The following KBTBD3 variants were observed in gnomAD, a reference collection of about 807,000 sequenced individuals.
KBTBD3 encodes the protein kelch repeat and BTB domain-containing protein 3.
Under a neutral mutation model 49.6 loss-of-function variants are expected in KBTBD3, and 38 were observed. The ratio of observed to expected loss-of-function variants is 0.77; its 90% CI spans 0.59 to 1.00. KBTBD3 has a LOEUF of 1.00. KBTBD3 is among the 50% of genes least tolerant of loss of function. The pLI is 0.00. For missense variants in KBTBD3, 661 were observed against 712.0 expected (o/e 0.93, Z 0.81); for synonymous variants, 214 against 250.4 (o/e 0.85, Z 1.37).
At position 106,058,905 on chromosome 11, in the gene KBTBD3, A is replaced by T; in HGVS notation, c.193T>A (p.Cys65Ser). 1 of 1,579,260 alleles carries T rather than the reference A, an allele frequency of 6.3e-7. No individual in the cohort carries two copies. The change falls in exon 3 of 4, where the codon TGT (cysteine) becomes AGT (serine). Residue 65 changes from cysteine (C) to serine (S), a missense_variant. Physicochemically the swap from Cys to Ser is moderately radical, Grantham distance 112. Coordinates refer to ENST00000531837, the MANE Select transcript of KBTBD3 (RefSeq NM_198439.3). The part of the protein sequence containing the change: ...KIIMKDEIIP[C>S]HRCVLAACSD... ...CATGCTGCTAACACACAACGATGAC[A>T]CGGGATTATTTCATCTTTCATAATT...
rs372515561 is a variant in KBTBD3 at position 106,054,042 on chromosome 11, A to T, written c.647T>A (p.Leu216Gln). The T allele has an allele frequency of 9.3e-6, 15 of 1,613,692 alleles. No homozygotes were observed. The highest frequency in any genetic ancestry group is 1.3e-5 in the African/African-American group (1 of 75,042). The change falls in exon 4 of 4, where the codon CTG becomes CAG. Residue 216 changes from leucine to glutamine, a missense_variant. Transcript: ENST00000531837. The stretch of plus-strand genomic sequence containing the variant: ...TTTAGTCCAACTAAGGACAACTTTC[A>T]GTACCATTTCTTCTTCAGGAACATT... Reference protein sequence around the residue: ...ELNVPEEEMVLKVVLSWTKHN... With the variant: ...ELNVPEEEMVQKVVLSWTKHN...
chr11:106,070,322 G>A (rs1860893935), intron 2 of KBTBD3, among the ~76,000 whole-genome samples: 2 of 151,486 alleles, frequency 1.3e-5, no homozygotes, highest in South Asian at 2.1e-4. Context: ...GACAAGCTAT[G>A]AGCCAGGAAA....
At position 106,054,568 on chromosome 11, in the gene KBTBD3, A is replaced by T. The variant is rs906636451; in HGVS notation, c.234-113T>A. On this transcript the variant is annotated intron_variant, in intron 3 of 3. Coordinates refer to ENST00000531837, the MANE Select transcript of KBTBD3 (RefSeq NM_198439.3). The stretch of plus-strand genomic sequence containing the variant: ...TTGACTTAAATATATTTATAAAAGC[A>T]TATTTTAATTGCCTCCTAATTAATA... The T allele has an allele frequency of 6.5e-6, 4 of 618,244 alleles. No individual in the cohort carries two copies. In the African/African-American group the frequency reaches 7.7e-5, roughly 12 times the overall value. The allele number at this position is 618,244 out of a possible 1,614,324, so 38.3% of individuals were successfully genotyped here.
chr11:106,069,138 A>AG (rs1860869121), intron 2 of KBTBD3, among the ~76,000 whole-genome samples: 1 of 152,158 alleles, frequency 6.6e-6, no homozygotes, highest in South Asian at 2.1e-4. Flanking sequence ...CCCTAAGATG[A>AG]GGAAAACAGC....
intron 2 of KBTBD3, among the ~76,000 whole-genome samples, chr11:106,072,190 A>T (rs1466148994): frequency 6.6e-6 from 1 of 152,228 alleles, no homozygotes; most frequent in African/African-American, 2.4e-5. Flanking sequence ...AAGAAATGAT[A>T]TATCACTAAT....
chr11:106,062,647 C>T (rs1565403844), intron 2 of KBTBD3, among the ~76,000 whole-genome samples: 1 of 152,192 alleles, frequency 6.6e-6, no homozygotes, highest in East Asian at 1.9e-4. Context: ...GGATAAGGCC[C>T]ACCACACAGG....
chr11:106,064,675 G>A (rs1860771438), intron 2 of KBTBD3, among the ~76,000 whole-genome samples: 1 of 152,194 alleles, frequency 6.6e-6, no homozygotes. Context: ...TGTTAAAGCT[G>A]TGCAAAGGAT....
intron 2 of KBTBD3, among the ~76,000 whole-genome samples, chr11:106,064,640 A>G (rs750055616): frequency 5.9e-5 from 9 of 152,344 alleles, no homozygotes; most frequent in Non-Finnish European, 8.8e-5. Context: ...GATTGAAAAC[A>G]GTCTATACTA....
At chr11:106,054,498 T>A (rs565370831) in intron 3 of KBTBD3, 43 bp from the exon 4 acceptor site, 1 of 1,406,778 alleles carries the variant, frequency 7.1e-7, no homozygotes, top group Non-Finnish European at 9.4e-7. Flanking sequence ...GAATATTTTA[T>A]TCCATAATTA....
chr11:106,053,366 G>A lies in KBTBD3; in HGVS notation c.1323C>T (p.Pro441=). 1 of 1,613,168 alleles carries A rather than the reference G, an allele frequency of 6.2e-7. No individual in the cohort carries two copies. The highest frequency in any genetic ancestry group is 1.3e-5 in the African/African-American group (1 of 74,996). Residue 441 remains proline, a synonymous_variant, in exon 4 of 4, where the codon CCC becomes CCT. Coordinates refer to ENST00000531837, the MANE Select transcript of KBTBD3 (RefSeq NM_198439.3). ...TTGCTTCTGGATAGTATATGCCTCT[G>A]GGTAATGGGCTAACAGATATCCATT... ...SKEWISVSPL[P]RGIYYPEAST...
chr11:106,067,617 A>T (rs527331835), intron 2 of KBTBD3, among the ~76,000 whole-genome samples: 106 of 152,084 alleles, frequency 7.0e-4, no homozygotes, highest in African/African-American at 2.3e-3. Context: ...GTCAAAAAAA[A>T]AAAAGGTCTA....
At position 106,053,395 on chromosome 11, in the gene KBTBD3, T is replaced by C; in HGVS notation, c.1294A>G (p.Lys432Glu). 1 of 1,613,446 alleles carries C rather than the reference T, an allele frequency of 6.2e-7. No homozygotes were observed. The highest frequency in any genetic ancestry group is 8.5e-7 in the Non-Finnish European group (1 of 1,179,786). The change falls in exon 4 of 4, where the codon AAA (lysine) becomes GAA (glutamate). Residue 432 changes from lysine to glutamate, a missense_variant. Coordinates refer to ENST00000531837, the MANE Select transcript of KBTBD3 (RefSeq NM_198439.3). ...LDVESYNPLSKEWISVSPLPR... is the reference protein window; with the variant it reads ...LDVESYNPLSEEWISVSPLPR... ...AATGGGCTAACAGATATCCATTCTT[T>C]GGAAAGAGGATTGTAAGATTCAACA...
chr11:106,062,557 T>C (rs1860723315), intron 2 of KBTBD3, among the ~76,000 whole-genome samples: 1 of 152,220 alleles, frequency 6.6e-6, no homozygotes, highest in Admixed American at 6.5e-5. Flanking sequence ...AGGAAAAGAC[T>C]GATGTATGTC....
In KBTBD3 at chr11:106,052,782, C is replaced by A. The variant is rs986273105; in HGVS notation, c.*68G>T. On this transcript the variant is annotated 3_prime_UTR_variant, in exon 4 of 4. Transcript: ENST00000531837. ...TTTTATTTCATTAAGATGTATAGAT[C>A]TTTTTACCTATCATTTTGGTTAACA... 1 of 1,234,326 alleles carries A rather than the reference C, an allele frequency of 8.1e-7. No individual in the cohort carries two copies. Among genetic ancestry groups the A allele is most frequent in the Admixed American group, 2.2e-5 (1 of 45,838 alleles). The allele number at this position is 1,234,326 out of a possible 1,614,324, so 76.5% of individuals were successfully genotyped here.
At chr11:106,065,853 C>T (rs1860799551) in intron 2 of KBTBD3, among the ~76,000 whole-genome samples, 2 of 150,774 alleles carry the variant, frequency 1.3e-5, no homozygotes, top group South Asian at 4.2e-4. Context: ...CCCAGCTACT[C>T]AGGAGGCTCA....
chr11:106,076,007 T>C (rs755329939), intron 2 of KBTBD3: 16 of 152,168 alleles, frequency 1.1e-4, no homozygotes, highest in Non-Finnish European at 2.1e-4. Flanking sequence ...GCACAGAACA[T>C]GTGCAATAAC....
Position 106,053,623 on chromosome 11 carries a change from G to C in KBTBD3, c.1066C>G (p.Arg356Gly). 2 of 1,613,776 alleles carry C rather than the reference G, an allele frequency of 1.2e-6. No homozygotes were observed. Among genetic ancestry groups the C allele is most frequent in the Non-Finnish European group, 1.7e-6 (2 of 1,179,894 alleles). ...LTGGCKGKCC[R>G]TVRLHIAESY... Reference sequence around the variant, plus strand: ...TCGGCAATATGCAGTCGAACCGTTCGACAACATTTCCCTTTGCAACCACCT... The same window carrying C: ...TCGGCAATATGCAGTCGAACCGTTCCACAACATTTCCCTTTGCAACCACCT... The change falls in exon 4 of 4, where the codon CGA becomes GGA. Residue 356 changes from arginine to glycine, a missense_variant. Coordinates refer to ENST00000531837, the MANE Select transcript of KBTBD3 (RefSeq NM_198439.3).
chr11:106,053,174 T>C lies in KBTBD3; in HGVS notation c.1515A>G (p.Val505=). 6.2e-7 allele frequency: 1 copy of C among 1,613,610 alleles called. No homozygotes were observed. The highest frequency in any genetic ancestry group is 1.3e-5 in the African/African-American group (1 of 75,038). ...QFFHATLIKA[V]PVNCTLYICD... ...ATATATACAGTGTACAGTTTACTGG[T>C]ACAGCTTTAATTAATGTTGCATGAA... is the stretch of plus-strand genomic sequence containing the variant. The change falls in exon 4 of 4, where the codon GTA becomes GTG. Residue 505 remains valine, a synonymous_variant. Coordinates refer to ENST00000531837, the MANE Select transcript of KBTBD3 (RefSeq NM_198439.3).
rs116313295 is a variant in KBTBD3, at chr11:106,063,467, C to T, written c.-12-4358G>A. ...ATCTAAAGCTTTTATTTTAACAATG[C>T]GAAATGAAAGAAAAAGTAGGGCATT... is the stretch of plus-strand genomic sequence containing the variant. On this transcript the variant is annotated intron_variant, in intron 2 of 3. Coordinates refer to ENST00000531837, the MANE Select transcript of KBTBD3 (RefSeq NM_198439.3). Among the ~76,000 whole-genome samples the T allele has an allele frequency of 1.4e-3, 218 of 152,200 alleles. 3 individuals are homozygous for T. The highest frequency in any genetic ancestry group is 4.3e-3 in the African/African-American group (178 of 41,528).
Sources: allele counts gnomAD v4.1 joint callset (sites outside exome capture counted in the v4.1 genomes callset), GRCh38; gene constraint gnomAD v4.1.1; transcripts MANE v1.5; gene names NCBI Gene and HGNC (gene_info 2026-07-23, HGNC 2026-07-21).